The following RNF150 variants were observed in gnomAD, a reference collection of about 807,000 sequenced individuals.
RNF150 encodes ring finger protein 150.
Under a neutral mutation model 39.3 loss-of-function variants are expected in RNF150, and 24 were observed. The ratio of observed to expected loss-of-function variants is 0.61; its 90% CI spans 0.44 to 0.86. The LOEUF is 0.86. Ranked by LOEUF, RNF150 falls within the 40% of genes least tolerant of loss-of-function variation. The pLI is 0.00. For synonymous variants in RNF150, 255 were observed against 227.3 expected, an observed-to-expected ratio of 1.12 and a Z score of -1.10; for missense variants, 502 against 587.8, an observed-to-expected ratio of 0.85 and a Z score of 1.51.
intron 1 of RNF150, among the ~76,000 whole-genome samples, chr4:141,035,080 T>C (rs1426387405): frequency 6.6e-6 from 1 of 152,226 alleles, no homozygotes; most frequent in African/African-American, 2.4e-5. Flanking sequence ...ATAATTACAG[T>C]ATCTTTCCCT....
intron 2 of RNF150, among the ~76,000 whole-genome samples, chr4:140,959,099 C>T (rs1732907411): frequency 6.6e-6 from 1 of 152,130 alleles, no homozygotes; most frequent in Admixed American, 6.6e-5. Context: ...TATGATAAAT[C>T]TGGCTCCTAA....
chr4:141,086,792 T>C (rs191488625), intron 1 of RNF150, among the ~76,000 whole-genome samples: 27 of 151,838 alleles, frequency 1.8e-4, no homozygotes, highest in Admixed American at 2.6e-4. Context: ...ATATTTATTT[T>C]AAATAGAATT....
chr4:141,207,476 G>A (rs997862287), intron 1 of RNF150, among the ~76,000 whole-genome samples: 1 of 152,124 alleles, frequency 6.6e-6, no homozygotes, highest in Non-Finnish European at 1.5e-5. Context: ...GAGAAGAAAT[G>A]TGGACAGCCT....
chr4:140,885,985 TC>T (rs796380544), intron 6 of RNF150, among the ~76,000 whole-genome samples: 20 of 152,082 alleles, frequency 1.3e-4, no homozygotes, highest in African/African-American at 4.3e-4. Context: ...GGTCAGGAGA[TC>T]GAGACCATCC....
intron 1 of RNF150, among the ~76,000 whole-genome samples, chr4:141,039,683 C>A (rs1736285619): frequency 6.6e-6 from 1 of 152,102 alleles, no homozygotes. Context: ...GACCCTCACT[C>A]AAGCTCTAGC....
chr4:141,208,802 T>C (rs1003771044), intron 1 of RNF150, among the ~76,000 whole-genome samples: 2 of 152,140 alleles, frequency 1.3e-5, no homozygotes, highest in African/African-American at 4.8e-5. Context: ...GACACAGGAC[T>C]CTTGGGTCAG....
intron 6 of RNF150, among the ~76,000 whole-genome samples, chr4:140,895,886 A>G (rs2111237103): frequency 6.6e-6 from 1 of 152,142 alleles, no homozygotes; most frequent in South Asian, 2.1e-4. Context: ...GGACATGAAC[A>G]GACACTTCTC....
chr4:141,093,414 C>T (rs1738667814), intron 1 of RNF150, among the ~76,000 whole-genome samples: 2 of 127,482 alleles, frequency 1.6e-5, no homozygotes, highest in South Asian at 8.6e-4. Context: ...AGCTGAAGCC[C>T]CAGCAGGGCT....
intron 6 of RNF150, among the ~76,000 whole-genome samples, chr4:140,882,491 C>G (rs979805682): frequency 6.6e-6 from 1 of 152,160 alleles, no homozygotes; most frequent in African/African-American, 2.4e-5. Flanking sequence ...CTATTGTTCT[C>G]AGTCTGGTTT....
chr4:141,022,324 C>G (rs1735527286), intron 1 of RNF150, among the ~76,000 whole-genome samples: 1 of 152,034 alleles, frequency 6.6e-6, no homozygotes, highest in African/African-American at 2.4e-5. Flanking sequence ...CCCTCTAACT[C>G]TGCCTCACTT....
intron 3 of RNF150, among the ~76,000 whole-genome samples, 178 bp downstream of exon 3, chr4:140,949,123 C>A (rs4956493): frequency 6.6e-6 from 1 of 151,872 alleles, no homozygotes; most frequent in African/African-American, 2.4e-5. Context: ...TCATAGCATA[C>A]GCATTTTATA....
intron 1 of RNF150, among the ~76,000 whole-genome samples, chr4:141,068,988 A>G: frequency 6.8e-6 from 1 of 146,032 alleles, no homozygotes; most frequent in African/African-American, 2.5e-5. Flanking sequence ...CTAGATATAC[A>G]ATCATGTCAT....
intron 2 of RNF150, among the ~76,000 whole-genome samples, chr4:140,952,879 T>C (rs566032278): frequency 1.3e-5 from 2 of 152,286 alleles, no homozygotes; most frequent in South Asian, 2.1e-4. Flanking sequence ...AAATCCATTG[T>C]TAGGCGATTT....
chr4:140,870,084 G>A (rs1346123106), intron 6 of RNF150, among the ~76,000 whole-genome samples: 1 of 152,162 alleles, frequency 6.6e-6, no homozygotes, highest in African/African-American at 2.4e-5. Flanking sequence ...GAAGGACAGT[G>A]AATTCCTAAG....
At chr4:140,951,088 T>C (rs1732522095) in intron 2 of RNF150, among the ~76,000 whole-genome samples, 1 of 152,200 alleles carries the variant, frequency 6.6e-6, no homozygotes, top group South Asian at 2.1e-4. Flanking sequence ...ATCCTTTGAC[T>C]TCAGCTGAAA....
intron 1 of RNF150, among the ~76,000 whole-genome samples, chr4:140,992,428 G>A (rs1734225955): frequency 6.6e-6 from 1 of 151,646 alleles, no homozygotes; most frequent in African/African-American, 2.4e-5. Context: ...AGGGAATGGG[G>A]AAAAAAAAGG....
rs1728589140 is a variant in RNF150 at position 140,863,812 on chromosome 4, T to G, written c.*4449A>C. On this transcript the variant is annotated 3_prime_UTR_variant, in exon 7 of 7. Transcript: ENST00000515673. ...GAGGGAGTGACTCCATAGCCCAGAT[T>G]TTTTGAAAAGTTTTGATTTAAGGAT... 1 of 151,646 alleles carries G rather than the reference T, an allele frequency of 6.6e-6. No homozygotes were observed. The highest frequency in any genetic ancestry group is 1.5e-5 in the Non-Finnish European group (1 of 67,894). The allele number at this position is 151,646 out of a possible 1,614,324, so 9.4% of individuals were successfully genotyped here. A position where few individuals can be genotyped will look rare whatever the true frequency, so the allele number is the denominator to read the frequency against.
intron 1 of RNF150, among the ~76,000 whole-genome samples, chr4:141,143,893 C>T (rs1441686601): frequency 6.6e-6 from 1 of 152,110 alleles, no homozygotes; most frequent in Admixed American, 6.6e-5. Flanking sequence ...TCCTGACCAC[C>T]CTCCCTAGAA....
chr4:140,933,107 T>G (rs778102089), intron 4 of RNF150, among the ~76,000 whole-genome samples: 1 of 152,206 alleles, frequency 6.6e-6, no homozygotes, highest in Non-Finnish European at 1.5e-5. Flanking sequence ...CAGGGGATAA[T>G]GGTAATATTA....
Sources: allele counts gnomAD v4.1 joint callset (sites outside exome capture counted in the v4.1 genomes callset), GRCh38; gene constraint gnomAD v4.1.1; transcripts MANE v1.5; gene names NCBI Gene and HGNC (gene_info 2026-07-23, HGNC 2026-07-21).